The following LHFPL3 variants were observed in gnomAD, a reference collection of about 807,000 sequenced individuals.
The protein encoded by LHFPL3 is LHFPL tetraspan subfamily member 3 protein.
A neutral mutation model predicts 19.3 loss-of-function variants in LHFPL3; 5 were observed. That is an observed-to-expected ratio of 0.26 (90% confidence interval 0.14 to 0.54). The LOEUF (loss-of-function observed/expected upper bound fraction) is 0.54, where lower values mean the gene tolerates loss of function less well. Ranked by LOEUF, LHFPL3 falls within the 20% of genes least tolerant of loss-of-function variation. The pLI, the probability that LHFPL3 is intolerant of heterozygous loss-of-function variation, is 0.94. For synonymous variants in LHFPL3, 133 were observed against 126.2 expected, an observed-to-expected ratio of 1.05 and a Z score of -0.36; for missense variants, 249 against 307.4, an observed-to-expected ratio of 0.81 and a Z score of 1.42.
chr7:104,473,077 G>A (rs1382604503), intron 1 of LHFPL3, among the ~76,000 whole-genome samples: 1 of 152,158 alleles, frequency 6.6e-6, no homozygotes, highest in Non-Finnish European at 1.5e-5. Flanking sequence ...GGAACTAAAG[G>A]CAGTGAAATG....
At chr7:104,569,226 C>T (rs946944838) in intron 1 of LHFPL3, among the ~76,000 whole-genome samples, 1 of 152,162 alleles carries the variant, frequency 6.6e-6, no homozygotes, top group South Asian at 2.1e-4. Flanking sequence ...TAGTGTAGCA[C>T]CCATTACAGT....
chr7:104,648,447 A>G (rs1258948739), intron 1 of LHFPL3, among the ~76,000 whole-genome samples: 1 of 152,172 alleles, frequency 6.6e-6, no homozygotes, highest in East Asian at 1.9e-4. Context: ...AATCAATGAA[A>G]TGTCTTTCCA....
intron 1 of LHFPL3, among the ~76,000 whole-genome samples, chr7:104,681,493 G>A (rs1792702101): frequency 2.0e-5 from 3 of 151,910 alleles, no homozygotes; most frequent in African/African-American, 7.3e-5. Flanking sequence ...GTGGTGGTGG[G>A]TGCCTGTAAT....
intron 1 of LHFPL3, among the ~76,000 whole-genome samples, chr7:104,664,491 C>T (rs1052929295): frequency 3.3e-5 from 5 of 152,220 alleles, no homozygotes; most frequent in African/African-American, 9.6e-5. Flanking sequence ...CTCCAGGACA[C>T]TGGCTCCTTT....
At chr7:104,766,619 A>C (rs1794463079) in intron 2 of LHFPL3, among the ~76,000 whole-genome samples, 1 of 152,206 alleles carries the variant, frequency 6.6e-6, no homozygotes, top group African/African-American at 2.4e-5. Flanking sequence ...GCCCCTGAAA[A>C]AGAACCTCTT....
intron 2 of LHFPL3, among the ~76,000 whole-genome samples, chr7:104,740,365 T>C (rs1562978586): frequency 6.6e-6 from 1 of 152,222 alleles, no homozygotes. Flanking sequence ...TTGTAGAATA[T>C]GCCCCTAATG....
intron 1 of LHFPL3, among the ~76,000 whole-genome samples, chr7:104,504,418 A>G (rs759296365): frequency 6.6e-6 from 1 of 152,172 alleles, no homozygotes; most frequent in Non-Finnish European, 1.5e-5. Flanking sequence ...TTAGATTTTC[A>G]TCCTAAATCT....
intron 2 of LHFPL3, among the ~76,000 whole-genome samples, chr7:104,752,227 T>C (rs902910614): frequency 2.0e-5 from 3 of 152,080 alleles, no homozygotes; most frequent in Admixed American, 6.6e-5. Flanking sequence ...CCTCCTGTAA[T>C]TGATTATAGT....
intron 1 of LHFPL3, among the ~76,000 whole-genome samples, chr7:104,353,214 G>A (rs1165541843): frequency 1.3e-5 from 2 of 152,158 alleles, no homozygotes; most frequent in Admixed American, 6.5e-5. Flanking sequence ...ATGGAGAAGT[G>A]TAAGATATTT....
intron 2 of LHFPL3, among the ~76,000 whole-genome samples, chr7:104,779,526 A>G (rs1477263280): frequency 6.6e-6 from 1 of 152,068 alleles, no homozygotes; most frequent in African/African-American, 2.4e-5. Flanking sequence ...GGAGTGGTCA[A>G]GTCTGTGGCT....
chr7:104,382,092 T>A (rs764581659), intron 1 of LHFPL3, among the ~76,000 whole-genome samples: 1 of 152,226 alleles, frequency 6.6e-6, no homozygotes, highest in Non-Finnish European at 1.5e-5. Context: ...TACTATATTG[T>A]GGCTTCTCAG....
At chr7:104,672,576 T>C (rs997724096) in intron 1 of LHFPL3, among the ~76,000 whole-genome samples, 17 of 152,176 alleles carry the variant, frequency 1.1e-4, no homozygotes, top group African/African-American at 3.9e-4. Context: ...ATACAGTCGA[T>C]GAGGGAATTA....
chr7:104,894,092 G>C (rs1032346050), intron 2 of LHFPL3, among the ~76,000 whole-genome samples: 1 of 152,140 alleles, frequency 6.6e-6, no homozygotes. Context: ...TTGTCTAGGG[G>C]TTAAATCTAA....
At chr7:104,637,093 G>A (rs996928324) in intron 1 of LHFPL3, among the ~76,000 whole-genome samples, 3 of 152,082 alleles carry the variant, frequency 2.0e-5, no homozygotes, top group Non-Finnish European at 4.4e-5. Context: ...GGTGTGAGAT[G>A]GTATCATTTT....
intron 1 of LHFPL3, among the ~76,000 whole-genome samples, chr7:104,596,453 G>T (rs1269893299): frequency 6.6e-6 from 1 of 152,124 alleles, no homozygotes; most frequent in African/African-American, 2.4e-5. Context: ...TTTATTGATG[G>T]TTACAAGTCT....
intron 1 of LHFPL3, among the ~76,000 whole-genome samples, chr7:104,360,694 CGTGT>C (rs61216282): frequency 0.061 from 8,782 of 144,226 alleles, 284 homozygotes; most frequent in Non-Finnish European, 0.066. Context: ...AAAGTGCTTC[CGTGT>C]GTGTGTGTGT....
chr7:104,782,476 C>T (rs1789827763), intron 2 of LHFPL3, among the ~76,000 whole-genome samples: 1 of 152,102 alleles, frequency 6.6e-6, no homozygotes, highest in African/African-American at 2.4e-5. Context: ...CTGCAACAAC[C>T]TTCTTCTCTT....
At chr7:104,405,468 A>G (rs1187090685) in intron 1 of LHFPL3, among the ~76,000 whole-genome samples, 1 of 152,200 alleles carries the variant, frequency 6.6e-6, no homozygotes, top group Non-Finnish European at 1.5e-5. Context: ...GTTAACATTT[A>G]CTAGGGATTG....
intron 1 of LHFPL3, among the ~76,000 whole-genome samples, chr7:104,610,403 G>C (rs1791190201): frequency 6.6e-6 from 1 of 152,058 alleles, no homozygotes; most frequent in African/African-American, 2.4e-5. Context: ...ACAGAAAAGA[G>C]AGAGAGAGAG....
Sources: gnomAD v4.1 joint callset for allele counts (sites outside exome capture counted in the v4.1 genomes callset) on GRCh38, gnomAD v4.1.1 for gene constraint, MANE v1.5 for transcripts, NCBI Gene and HGNC (gene_info 2026-07-23, HGNC 2026-07-21) for gene names.